The following DCDC1 variants were observed in gnomAD, a reference collection of about 807,000 sequenced individuals.
DCDC1 encodes doublecortin domain containing 1, also known as doublecortin domain-containing protein 1.
A neutral mutation model predicts 178.3 loss-of-function variants in DCDC1; 200 were observed. The observed-to-expected ratio is 1.12, with a 90% CI of 1.00 to 1.26. The LOEUF is 1.26. DCDC1 is among the 50% of genes most tolerant of loss of function. The pLI is 0.00. For synonymous variants in DCDC1, 690 were observed against 604.8 expected (o/e 1.14, Z -2.07); for missense variants, 1,983 against 1,749.2 (o/e 1.13, Z -2.38).
intron 17 of DCDC1, among the ~76,000 whole-genome samples, chr11:31,081,503 G>A (rs917041774): frequency 1.3e-5 from 2 of 152,026 alleles, no homozygotes; most frequent in African/African-American, 2.4e-5. Context: ...CCAGCTACTC[G>A]GGAGGCTGAG....
intron 6 of DCDC1, among the ~76,000 whole-genome samples, chr11:31,300,790 G>A (rs960751176): frequency 3.3e-5 from 5 of 152,118 alleles, no homozygotes; most frequent in Admixed American, 1.3e-4. Context: ...TTTCGATTTT[G>A]TAAATGCATT....
chr11:31,170,056 T>C lies in DCDC1; in HGVS notation c.1222-32272A>G, dbSNP rs77233086. On this transcript the variant is annotated intron_variant, in intron 9 of 38. Transcript: ENST00000684477. The stretch of plus-strand genomic sequence containing the variant: ...GCATGATGGGGTCCACAGATGCCAA[T>C]TTGTAAGGAAAAAAGTGACATATTA... 1.9e-3 allele frequency among the ~76,000 whole-genome samples: 294 copies of C among 152,222 alleles called. 1 individual carries two copies. The highest frequency in any genetic ancestry group is 3.4e-3 in the Non-Finnish European group (233 of 68,012).
intron 9 of DCDC1, among the ~76,000 whole-genome samples, chr11:31,151,886 T>C (rs1965205158): frequency 6.8e-6 from 1 of 148,050 alleles, no homozygotes; most frequent in African/African-American, 2.7e-5. Context: ...GTATAAGTTT[T>C]AGTGATCTAT....
At chr11:31,053,062 A>G (rs1212436740) in intron 20 of DCDC1, among the ~76,000 whole-genome samples, 3 of 152,132 alleles carry the variant, frequency 2.0e-5, no homozygotes, top group Non-Finnish European at 4.4e-5. Context: ...CTTTGAGAAG[A>G]TAAATAAAAT....
At chr11:31,315,733 C>A (rs1409327509) in intron 3 of DCDC1, among the ~76,000 whole-genome samples, 1 of 117,882 alleles carries the variant, frequency 8.5e-6, no homozygotes. Context: ...TATACATGTG[C>A]CATGCTGGTG....
At chr11:31,274,352 A>G (rs535055916) in intron 7 of DCDC1, among the ~76,000 whole-genome samples, 1 of 152,282 alleles carries the variant, frequency 6.6e-6, no homozygotes, top group Admixed American at 6.5e-5. Flanking sequence ...TATGGCAGTG[A>G]GCAAAACCAG....
chr11:31,010,547 A>G (rs1411067251), intron 20 of DCDC1, among the ~76,000 whole-genome samples: 2 of 152,238 alleles, frequency 1.3e-5, no homozygotes, highest in Non-Finnish European at 2.9e-5. Context: ...GATATGCAAC[A>G]GAATAACATC....
intron 11 of DCDC1, among the ~76,000 whole-genome samples, chr11:31,120,771 C>T (rs1960680712): frequency 6.6e-6 from 1 of 152,126 alleles, no homozygotes; most frequent in South Asian, 2.1e-4. Flanking sequence ...ATTCTCCTTG[C>T]TCATCAATTC....
chr11:31,185,951 C>T (rs1969427566), intron 9 of DCDC1, among the ~76,000 whole-genome samples: 1 of 152,182 alleles, frequency 6.6e-6, no homozygotes, highest in East Asian at 1.9e-4. Flanking sequence ...ATGAATATAG[C>T]AAATTGGTGC....
chr11:30,965,535 CTTT>C (rs34013491), intron 20 of DCDC1, among the ~76,000 whole-genome samples: 5 of 139,086 alleles, frequency 3.6e-5, no homozygotes, highest in African/African-American at 2.7e-5. Flanking sequence ...TAGAAAATTT[CTTT>C]TTTTTTTTTT....
At chr11:31,008,910 AG>A (rs1248011376) in intron 20 of DCDC1, among the ~76,000 whole-genome samples, 27 of 152,232 alleles carry the variant, frequency 1.8e-4, no homozygotes, top group African/African-American at 6.0e-4. Context: ...TCAGTGACAC[AG>A]GAAAAATAAT....
At chr11:30,906,398 G>T in intron 30 of DCDC1, 142 bp downstream of exon 30, 2 of 792,558 alleles carry the variant, frequency 2.5e-6, no homozygotes, top group Non-Finnish European at 3.9e-6. Context: ...GGAAATCAAT[G>T]CAGGTAGAAT....
At chr11:31,028,129 CAT>C (rs1180806043) in intron 20 of DCDC1, among the ~76,000 whole-genome samples, 2 of 151,706 alleles carry the variant, frequency 1.3e-5, no homozygotes, top group Admixed American at 6.6e-5. Context: ...CTATAAATAA[CAT>C]ATAATAAAGC....
Position 31,035,974 on chromosome 11 carries a change from C to T in DCDC1, c.2591+28495G>A, listed in dbSNP as rs75330112. Among the ~76,000 whole-genome samples, 112 of 152,290 alleles carry T rather than the reference C, an allele frequency of 7.4e-4. 1 individual carries two copies. In the East Asian group the frequency reaches 0.021, roughly 28 times the overall value. ...CTTATATTTATTGTTTTGCTCAAAT[C>T]GTTCCAGCTTTGGCCACTGAGAGAT... On this transcript the variant is annotated intron_variant, in intron 20 of 38. Coordinates refer to ENST00000684477, the MANE Select transcript of DCDC1 (RefSeq NM_001387274.1).
At chr11:31,266,530 G>A (rs909118292) in intron 7 of DCDC1, among the ~76,000 whole-genome samples, 7 of 152,112 alleles carry the variant, frequency 4.6e-5, no homozygotes, top group Non-Finnish European at 8.8e-5. Flanking sequence ...ATTCCAAATT[G>A]AAATTGAAAG....
chr11:31,358,042 C>G (rs1375166164), intron 1 of DCDC1, among the ~76,000 whole-genome samples: 1 of 151,860 alleles, frequency 6.6e-6, no homozygotes, highest in Non-Finnish European at 1.5e-5. Flanking sequence ...AATGCCATCC[C>G]CATCAAGCTA....
intron 3 of DCDC1, among the ~76,000 whole-genome samples, chr11:31,319,325 T>A (rs1191397042): frequency 3.9e-5 from 2 of 50,924 alleles, no homozygotes; most frequent in East Asian, 5.8e-4. Context: ...GGACTTGCTT[T>A]ATGAATCTGG....
chr11:31,069,008 C>T (rs1211677105), intron 18 of DCDC1, among the ~76,000 whole-genome samples: 8 of 152,006 alleles, frequency 5.3e-5, no homozygotes, highest in South Asian at 2.1e-4. Context: ...TATGCCACCA[C>T]GCCTGGCTAA....
rs760656516 is a variant in DCDC1 at position 31,325,852 on chromosome 11, G to T, written c.164+2265C>A. Among the ~76,000 whole-genome samples the T allele has an allele frequency of 2.2e-4, 34 of 152,198 alleles. No homozygotes were observed. In the Middle Eastern group the frequency reaches 0.014, roughly 61 times the overall value. ...ATAAAAAGACCACAAGATGGTAGAA[G>T]AAAGGTGGCAAGGAAAACAAGAATG... On this transcript the variant is annotated intron_variant, in intron 3 of 38. Transcript: ENST00000684477.
Sources: allele counts gnomAD v4.1 joint callset (sites outside exome capture counted in the v4.1 genomes callset), GRCh38; gene constraint gnomAD v4.1.1; transcripts MANE v1.5; gene names NCBI Gene and HGNC (gene_info 2026-07-23, HGNC 2026-07-21).